The following MAP4K1 variants were observed in gnomAD, a reference collection of about 807,000 sequenced individuals.
The protein encoded by MAP4K1 is MAPK/ERK kinase kinase kinase 1.
Under a neutral mutation model 122.8 loss-of-function variants are expected in MAP4K1, and 35 were observed. That is an observed-to-expected ratio of 0.29 (90% CI 0.22 to 0.38). MAP4K1 has a LOEUF of 0.38. MAP4K1 is among the 10% of genes least tolerant of loss of function. MAP4K1 has a pLI of 1.00. For synonymous variants in MAP4K1, 412 were observed against 421.3 expected (o/e 0.98, Z 0.27); for missense variants, 791 against 1,072.6 (o/e 0.74, Z 3.67).
intron 7 of MAP4K1, 41 bp from the exon 8 acceptor site, chr19:38,613,993 GC>G: frequency 6.2e-7 from 1 of 1,612,750 alleles, no homozygotes; most frequent in African/African-American, 1.3e-5. Flanking sequence ...GGTCCACTGC[GC>G]TTCCGGCCCC....
intron 8 of MAP4K1, among the ~76,000 whole-genome samples, chr19:38,613,343 A>G (rs1456458853): frequency 6.6e-6 from 1 of 150,700 alleles, no homozygotes; most frequent in East Asian, 2.0e-4. Context: ...AAAAAAAAAA[A>G]AAACAACACC....
chr19:38,617,296 A>C lies in MAP4K1; in HGVS notation c.248+58T>G. On this transcript the variant is annotated intron_variant, in intron 3 of 30. Transcript: ENST00000396857. The surrounding 1 kb of genome is among the most constrained non-coding windows in gnomAD (Gnocchi z 4.1). ...GAACTGAGGGTACCCCCATCAAGAAATGGGGACTCCGGGTTAGGGGCTGGG... is the reference window on the plus strand; with the variant it reads ...GAACTGAGGGTACCCCCATCAAGAACTGGGGACTCCGGGTTAGGGGCTGGG... 4 of 1,175,652 alleles carry C rather than the reference A, an allele frequency of 3.4e-6. No individual in the cohort carries two copies. The highest frequency in any genetic ancestry group is 5.1e-6 in the Non-Finnish European group (4 of 781,382). 72.8% of individuals were successfully genotyped at this position (1,175,652 alleles called of 1,614,324 possible). A position where few individuals can be genotyped will look rare whatever the true frequency, so the allele number is the denominator to read the frequency against.
intron 26 of MAP4K1, 137 bp from the exon 27 acceptor site, chr19:38,596,138 G>A (rs1309166527): frequency 1.9e-5 from 23 of 1,235,586 alleles, no homozygotes; most frequent in Non-Finnish European, 2.3e-5. Flanking sequence ...CCACCATCCC[G>A]GTCCCACCCC....
At chr19:38,590,394 A>AAATATATAT (rs1974685413) in intron 30 of MAP4K1, among the ~76,000 whole-genome samples, 1 of 17,298 alleles carries the variant, frequency 5.8e-5, no homozygotes, top group Non-Finnish European at 1.0e-4. Flanking sequence ...AAAAAAAAAA[A>AAATATATAT]ATATATATAT....
chr19:38,597,241 T>A lies in MAP4K1; in HGVS notation c.1837+85A>T. ...TTCTGGACACATTGCCTTAACTCTG[T>A]AACCTTCTCAGGTGGATGCAGTTCA... On this transcript the variant is annotated intron_variant, in intron 24 of 30. Transcript: ENST00000396857. This position sits in a 1 kb window ranked among gnomAD's most constrained non-coding sequence, Gnocchi z 4.6. The A allele has an allele frequency of 6.2e-7, 1 of 1,601,116 alleles. No homozygotes were observed. The highest frequency in any genetic ancestry group is 8.6e-7 in the Non-Finnish European group (1 of 1,168,998).
chr19:38,596,031 C>T (rs1220515870), intron 26 of MAP4K1, 30 bp from the exon 27 acceptor site: 14 of 1,602,006 alleles, frequency 8.7e-6, no homozygotes, highest in Non-Finnish European at 1.2e-5. Flanking sequence ...TAAGGATTGA[C>T]CCCACCCCAT....
At position 38,597,854 on chromosome 19, in the gene MAP4K1, C is replaced by G. The variant is rs1368086546; in HGVS notation, c.1670-260G>C. On this transcript the variant is annotated intron_variant, in intron 22 of 30. Transcript: ENST00000396857. The surrounding 1 kb of genome is among the most constrained non-coding windows in gnomAD (Gnocchi z 4.6). Reference sequence around the variant, plus strand: ...TTCCCTACCCTCGTGGTATTTGTAGCCGTATCAGAAACTCTGGACACATAA... The same window carrying G: ...TTCCCTACCCTCGTGGTATTTGTAGGCGTATCAGAAACTCTGGACACATAA... Among the ~76,000 whole-genome samples, 1 of 152,076 alleles carries G rather than the reference C, an allele frequency of 6.6e-6. No homozygotes were observed. Among genetic ancestry groups the G allele is most frequent in the South Asian group, 2.1e-4 (1 of 4,830 alleles).
chr19:38,605,494 G>A lies in MAP4K1; in HGVS notation c.1364-3C>T, dbSNP rs180810405. The A allele has an allele frequency of 1.1e-4, 170 of 1,580,716 alleles. No homozygotes were observed. In the East Asian group the frequency reaches 2.5e-3, roughly 23 times the overall value. ...GGGTGGGTTCCAGAGTGAGGGTTCT[G>A]AGAGGGGTTAGGAGAAAATCAGCCC... On this transcript the variant is annotated splice_region_variant and splice_polypyrimidine_tract_variant and intron_variant, in intron 18 of 30. Transcript: ENST00000396857.
rs755333098 is a variant in MAP4K1 at position 38,617,887 on chromosome 19, G to C, written c.9C>G (p.Val3=). ...CTCTATTGAAAATGTCAGGGTCCAC[G>C]ACGTCCATCCCTGGGGGCCTGAGCT... is the stretch of plus-strand genomic sequence containing the variant. MD[V]VDPDIFNRDP... Residue 3 remains valine (V), a synonymous_variant, in exon 1 of 31, where the codon GTC becomes GTG. Coordinates refer to ENST00000396857, the MANE Select transcript of MAP4K1 (RefSeq NM_001042600.3). This position sits in a 1 kb window ranked among gnomAD's most constrained non-coding sequence, Gnocchi z 4.1. 6.2e-7 allele frequency: 1 copy of C among 1,614,092 alleles called. No homozygotes were observed. The highest frequency in any genetic ancestry group is 1.1e-5 in the South Asian group (1 of 91,078).
At chr19:38,596,043 C>A in intron 26 of MAP4K1, 42 bp from the exon 27 acceptor site, 5 of 1,570,602 alleles carry the variant, frequency 3.2e-6, no homozygotes, top group Non-Finnish European at 4.4e-6. Flanking sequence ...CCACCCCATT[C>A]CCCTTTCCCC....
Position 38,616,260 on chromosome 19 carries a change from C to A in MAP4K1, c.249-1G>T. 6.2e-7 allele frequency: 1 copy of A among 1,611,264 alleles called. No individual in the cohort carries two copies. Among genetic ancestry groups the A allele is most frequent in the Non-Finnish European group, 8.5e-7 (1 of 1,178,434 alleles). ...CATGCAGATCCAGAGTTTCTGCAACCTGCAGTGGTTCAAGAGTAAGAATAA... is the reference window on the plus strand; with the variant it reads ...CATGCAGATCCAGAGTTTCTGCAACATGCAGTGGTTCAAGAGTAAGAATAA... On this transcript the variant is annotated splice_acceptor_variant, in intron 3 of 30. Transcript: ENST00000396857. LOFTEE classifies it high-confidence loss of function.
chr19:38,598,537 G>T (rs1974956871), intron 22 of MAP4K1, among the ~76,000 whole-genome samples: 1 of 151,952 alleles, frequency 6.6e-6, no homozygotes, highest in Non-Finnish European at 1.5e-5. Context: ...TCACTATGTT[G>T]CCCAGGCTGA....
Position 38,617,515 on chromosome 19 carries a change from C to G in MAP4K1, c.157+53G>C. ...GCTACAGGGGAGGTGATCCCAGTGT[C>G]CCAGGAGGCGAAGGTGGGGATGTGG... On this transcript the variant is annotated intron_variant, in intron 2 of 30. Transcript: ENST00000396857. This position sits in a 1 kb window ranked among gnomAD's most constrained non-coding sequence, Gnocchi z 4.1. The G allele has an allele frequency of 1.9e-6, 3 of 1,610,122 alleles. No homozygotes were observed. The East Asian group carries it at 6.7e-5, about 36-fold the overall frequency.
intron 17 of MAP4K1, 122 bp from the exon 18 acceptor site, chr19:38,605,852 G>A (rs566297328): frequency 1.0e-5 from 9 of 871,238 alleles, no homozygotes; most frequent in Middle Eastern, 2.3e-4. Flanking sequence ...CCACCCCCCC[G>A]ACAACATCTT....
At chr19:38,592,737 T>G (rs1476579041) in intron 30 of MAP4K1, among the ~76,000 whole-genome samples, 1 of 151,080 alleles carries the variant, frequency 6.6e-6, no homozygotes, top group Non-Finnish European at 1.5e-5. Flanking sequence ...GCCAACATGG[T>G]GAAATGCCAT....
intron 30 of MAP4K1, 48 bp from the exon 31 acceptor site, chr19:38,587,865 A>G: frequency 2.9e-6 from 4 of 1,400,420 alleles, no homozygotes; most frequent in South Asian, 1.2e-5. Flanking sequence ...TCATATGTTC[A>G]TTGATTCATT....
At chr19:38,611,830 G>A (rs181759799) in intron 9 of MAP4K1, among the ~76,000 whole-genome samples, 486 of 151,888 alleles carry the variant, frequency 3.2e-3, no homozygotes, top group Admixed American at 7.0e-3. Context: ...TGGGCGTGGT[G>A]GCTCACACCT....
intron 30 of MAP4K1, among the ~76,000 whole-genome samples, chr19:38,588,898 G>A (rs1974615153): frequency 6.6e-6 from 1 of 151,688 alleles, no homozygotes; most frequent in African/African-American, 2.4e-5. Context: ...CAGCCTGGGT[G>A]ACAGAGCGAG....
At chr19:38,614,560 G>T (rs1975592639) in intron 4 of MAP4K1, 115 bp from the exon 5 acceptor site, 4 of 1,101,694 alleles carry the variant, frequency 3.6e-6, no homozygotes, top group Non-Finnish European at 5.5e-6. Flanking sequence ...GGGGAAATAG[G>T]ATAGGACCAG....
Sources: allele counts gnomAD v4.1 joint callset (sites outside exome capture counted in the v4.1 genomes callset), GRCh38; gene constraint gnomAD v4.1.1; non-coding constraint Gnocchi (gnomAD v3.1); transcripts MANE v1.5; gene names NCBI Gene and HGNC (gene_info 2026-07-23, HGNC 2026-07-21).